The following GPS1 variants were observed in gnomAD, a reference collection of about 807,000 sequenced individuals.
GPS1 encodes COP9 signalosome complex subunit 1.
GPS1 carries 11 observed loss-of-function variants against 60.0 expected under a neutral mutation model. The observed-to-expected ratio is 0.18, with a 90% CI of 0.12 to 0.30. The LOEUF is 0.30. Among genes scored for constraint, GPS1 ranks in the 10% least tolerant of loss-of-function variants. The pLI is 1.00. For synonymous variants in GPS1, 343 were observed against 269.8 expected (o/e 1.27, Z -2.66); for missense variants, 543 against 669.2 (o/e 0.81, Z 2.08).
In GPS1 at chr17:82,056,754, C is replaced by T. The variant is rs2032890468; in HGVS notation, c.1242C>T (p.Asp414=). Reference sequence around the variant, plus strand: ...AGGGGCTGATCAGTGCCCGTGTGGACTCACACAGCAAGGTGGCTGTGGGCT... The same window carrying T: ...AGGGGCTGATCAGTGCCCGTGTGGATTCACACAGCAAGGTGGCTGTGGGCT... ...ILEGLISARV[D]SHSKILYARD... The change falls in exon 11 of 13, where the codon GAC becomes GAT. Residue 414 remains aspartate, a synonymous_variant. Transcript: ENST00000578552. 3.1e-6 allele frequency: 5 copies of T among 1,591,634 alleles called. No homozygotes were observed. Among genetic ancestry groups the T allele is most frequent in the Non-Finnish European group, 4.3e-6 (5 of 1,168,238 alleles).
chr17:82,052,952 G>A (rs559632313), intron 1 of GPS1: 18 of 262,842 alleles, frequency 6.8e-5, no homozygotes, highest in Non-Finnish European at 1.3e-4. Flanking sequence ...ACGTGTAGGG[G>A]CCCTCAGAGG....
chr17:82,055,410 T>G (rs1270998294), intron 6 of GPS1, 188 bp downstream of exon 6: 1 of 668,372 alleles, frequency 1.5e-6, no homozygotes, highest in East Asian at 2.7e-5. Flanking sequence ...GTGGGTGACG[T>G]GTGGTCAGGG....
rs991535282 is a variant in GPS1, at chr17:82,053,050, C to T, written c.34-224C>T. On this transcript the variant is annotated intron_variant, in intron 1 of 12. Coordinates refer to ENST00000578552, the MANE Select transcript of GPS1 (RefSeq NM_001321092.3). ...AGGCGAGGGGTTTCTGCTTCTGAGC[C>T]TTAGAGTCTTGTGAGGAGACCCCTC... 292 of 389,150 alleles carry T rather than the reference C, an allele frequency of 7.5e-4. 2 individuals carry two copies. Among genetic ancestry groups the T allele is most frequent in the Non-Finnish European group, 1.5e-4 (32 of 219,962 alleles). The allele number at this position is 389,150 out of a possible 1,614,324, so 24.1% of individuals were successfully genotyped here.
At chr17:82,055,287 G>T (rs1323556862) in intron 6 of GPS1, 65 bp downstream of exon 6, 30 of 1,474,546 alleles carry the variant, frequency 2.0e-5, no homozygotes, top group Non-Finnish European at 2.7e-5. Context: ...CCCAGCCCAG[G>T]GCAGTAGGCT....
chr17:82,051,245 A>T, upstream of GPS1: 1 of 1,331,358 alleles, frequency 7.5e-7, no homozygotes. The surrounding 1 kb of genome is among the most constrained non-coding windows in gnomAD (Gnocchi z 4.1). Flanking sequence ...GGAGCGAGAA[A>T]GGCTCGGGGG....
chr17:82,051,462 G>C, upstream of GPS1: 1 of 1,345,862 alleles, frequency 7.4e-7, no homozygotes, highest in Non-Finnish European at 9.6e-7. The surrounding 1 kb of genome is among the most constrained non-coding windows in gnomAD (Gnocchi z 4.1). Flanking sequence ...GGGGCGGGTG[G>C]GCGTGGGGCT....
At chr17:82,052,654 C>T (rs1201392554) in intron 1 of GPS1, 24 of 658,644 alleles carry the variant, frequency 3.6e-5, no homozygotes, top group Non-Finnish European at 5.8e-5. Context: ...CGAAGGAGCG[C>T]GGGAGGCCCA....
intron 1 of GPS1, chr17:82,053,044 C>T: frequency 2.6e-6 from 1 of 380,110 alleles, no homozygotes; most frequent in South Asian, 8.7e-5. Flanking sequence ...GTTTCTGCTT[C>T]TGAGCCTTAG....
intron 3 of GPS1, 59 bp from the exon 4 acceptor site, chr17:82,054,451 C>A (rs780272863): frequency 6.9e-7 from 1 of 1,440,506 alleles, no homozygotes; most frequent in Non-Finnish European, 9.1e-7. Flanking sequence ...TGGCGGCTTC[C>A]TCCCCTCCTC....
chr17:82,054,415 T>C lies in GPS1; in HGVS notation c.309-95T>C, dbSNP rs565387851. On this transcript the variant is annotated intron_variant, in intron 3 of 12. Coordinates refer to ENST00000578552, the MANE Select transcript of GPS1 (RefSeq NM_001321092.3). ...CGGGAGGTGCCCACCTGTGTGCCGG[T>C]TGGGCCTTTGAGGGCAGCCTGAGAT... is the stretch of plus-strand genomic sequence containing the variant. 3.1e-5 allele frequency: 44 copies of C among 1,408,384 alleles called. 1 individual carries two copies. The highest frequency in any genetic ancestry group is 3.7e-5 in the Non-Finnish European group (40 of 1,075,146). The allele number at this position is 1,408,384 out of a possible 1,614,324, so 87.2% of individuals were successfully genotyped here. A position where few individuals can be genotyped will look rare whatever the true frequency, so the allele number is the denominator to read the frequency against.
chr17:82,056,231 C>A, intron 8 of GPS1, 55 bp from the exon 9 acceptor site: 2 of 1,406,698 alleles, frequency 1.4e-6, no homozygotes, highest in Non-Finnish European at 2.0e-6. Flanking sequence ...TCCCACTGGC[C>A]ACTTGGAGGG....
At chr17:82,051,042 G>A (rs1043176537), upstream of GPS1, 86 of 1,390,026 alleles carry the variant, frequency 6.2e-5, no homozygotes, top group African/African-American at 8.6e-4. This position sits in a 1 kb window ranked among gnomAD's most constrained non-coding sequence, Gnocchi z 4.1. Context: ...CCCTGCTGGC[G>A]CTTCTTCAGG....
chr17:82,055,289 C>T (rs1413421243), intron 6 of GPS1, 67 bp downstream of exon 6: 1 of 1,477,968 alleles, frequency 6.8e-7, no homozygotes, highest in Non-Finnish European at 9.3e-7. Context: ...CAGCCCAGGG[C>T]AGTAGGCTGG....
In GPS1 at chr17:82,054,154, G is replaced by T. The variant is rs549190599; in HGVS notation, c.308+105G>T. ...CCCTGCATCTCCCACCCCTGTGCTG[G>T]GAAGTCGGGCGGGTAGAGCTCTCGC... On this transcript the variant is annotated intron_variant, in intron 3 of 12. Coordinates refer to ENST00000578552, the MANE Select transcript of GPS1 (RefSeq NM_001321092.3). 2.6e-5 allele frequency: 34 copies of T among 1,320,704 alleles called. 1 individual carries two copies. In the South Asian group the frequency reaches 4.9e-4, roughly 19 times the overall value. The allele number at this position is 1,320,704 out of a possible 1,614,324, so 81.8% of individuals were successfully genotyped here. A position where few individuals can be genotyped will look rare whatever the true frequency, so the allele number is the denominator to read the frequency against.
At position 82,054,674 on chromosome 17, in the gene GPS1, G is replaced by A. The variant is rs1440908845; in HGVS notation, c.473G>A (p.Arg158Gln). 1.2e-6 allele frequency: 2 copies of A among 1,611,486 alleles called. No individual in the cohort carries two copies. Among genetic ancestry groups the A allele is most frequent in the Non-Finnish European group, 1.7e-6 (2 of 1,179,912 alleles). The change falls in exon 4 of 13, where the codon CGG becomes CAG. Residue 158 changes from arginine to glutamine, a missense_variant. By Grantham distance (43) the Arg-to-Gln change is conservative. Around this residue, in one of 3 missense-constraint regions of GPS1, gnomAD observed 71 missense variants for 126.7 expected, o/e 0.56. Coordinates refer to ENST00000578552, the MANE Select transcript of GPS1 (RefSeq NM_001321092.3). ...YKGNSIKESI[R>Q]RGHDDLGDHY... ...GGCAACTCCATCAAAGAGAGCATCC[G>A]GCGCGGCCACGACGACCTGGGCGAC...
upstream of GPS1, chr17:82,050,990 G>A (rs1160014668): frequency 2.1e-6 from 3 of 1,422,340 alleles, no homozygotes; most frequent in Middle Eastern, 2.6e-4. Flanking sequence ...GTGGAAACAG[G>A]ACGGAGGCAG....
At chr17:82,051,033 C>T (rs2030470121), upstream of GPS1, 5 of 1,391,850 alleles carry the variant, frequency 3.6e-6, no homozygotes, top group Middle Eastern at 2.7e-4. The surrounding 1 kb of genome is among the most constrained non-coding windows in gnomAD (Gnocchi z 4.1). Context: ...GGGCGGATTC[C>T]CTGCTGGCGC....
In GPS1 at chr17:82,056,290, T is replaced by G. The variant is rs2032742499; in HGVS notation, c.934T>G (p.Phe312Val). ...CTGAGGGGTCTGCCTCACCAGCTCC[T>G]TCAAGTTGTTCTTGGAGCTGGAGCC... ...LQRNVISSSS[F>V]KLFLELEPQV... Residue 312 changes from phenylalanine (F) to valine (V), a missense_variant, in exon 9 of 13, where the codon TTC (phenylalanine) becomes GTC (valine). Phe to Val is a conservative substitution (Grantham distance 50, BLOSUM62 -1). Around this residue, in one of 3 missense-constraint regions of GPS1, gnomAD observed 291 missense variants for 353.7 expected, o/e 0.82. Transcript: ENST00000578552. 2 of 1,606,086 alleles carry G rather than the reference T, an allele frequency of 1.2e-6. No homozygotes were observed. The highest frequency in any genetic ancestry group is 1.7e-6 in the Non-Finnish European group (2 of 1,173,492).
upstream of GPS1, chr17:82,051,349 G>C (rs763681402): frequency 6.8e-7 from 1 of 1,468,312 alleles, no homozygotes. The surrounding 1 kb of genome is among the most constrained non-coding windows in gnomAD (Gnocchi z 4.1). Context: ...ACGTCTGGGG[G>C]AGAAACAATC....
Sources: allele counts gnomAD v4.1 joint callset, GRCh38; gene constraint gnomAD v4.1.1; regional missense constraint gnomAD v4.1.1; non-coding constraint Gnocchi (gnomAD v3.1); transcripts MANE v1.5; gene names NCBI Gene and HGNC (gene_info 2026-07-23, HGNC 2026-07-21).